The following RAB3C variants were observed in gnomAD, a reference collection of about 807,000 sequenced individuals.
The protein encoded by RAB3C is ras-related protein Rab-3C.
Under a neutral mutation model 26.4 loss-of-function variants are expected in RAB3C, and 17 were observed. That is an observed-to-expected ratio of 0.64 (90% CI 0.44 to 0.97). The LOEUF (loss-of-function observed/expected upper bound fraction) is 0.97. RAB3C is among the 50% of genes least tolerant of loss of function. RAB3C has a pLI of 0.00. For synonymous variants in RAB3C, 91 were observed against 95.9 expected (o/e 0.95, Z 0.30); for missense variants, 242 against 281.9 (o/e 0.86, Z 1.01).
At chr5:58,836,679 C>T (rs547293724) in intron 4 of RAB3C, among the ~76,000 whole-genome samples, 1 of 149,748 alleles carries the variant, frequency 6.7e-6, no homozygotes, top group South Asian at 2.1e-4. Context: ...TATAACGTCC[C>T]TCCAGTTCTA....
At chr5:58,809,309 G>C (rs1384383075) in intron 3 of RAB3C, among the ~76,000 whole-genome samples, 1 of 150,404 alleles carries the variant, frequency 6.6e-6, no homozygotes, top group Non-Finnish European at 1.5e-5. Context: ...TGAAGAATTT[G>C]TGCCAGAAGC....
chr5:58,748,336 C>CGAAA (rs1741444300), intron 3 of RAB3C, among the ~76,000 whole-genome samples: 2 of 152,124 alleles, frequency 1.3e-5, no homozygotes, highest in African/African-American at 4.8e-5. Flanking sequence ...TTGTGTCTTT[C>CGAAA]TTTCCACTAG....
At chr5:58,650,887 A>G (rs1168430023) in intron 2 of RAB3C, among the ~76,000 whole-genome samples, 1 of 152,220 alleles carries the variant, frequency 6.6e-6, no homozygotes, top group Non-Finnish European at 1.5e-5. Flanking sequence ...TCTCAAGGGC[A>G]AAGAAAAGGG....
rs190281894 is a variant in RAB3C at position 58,696,468 on chromosome 5, C to G, written c.253-29534C>G. ...GAGTTAGGGAGGATTCCCTCTTTTT[C>G]TATTGATTGGAAGTTTCAGAAGGAA... On this transcript the variant is annotated intron_variant, in intron 2 of 4. Transcript: ENST00000282878. 7.9e-5 allele frequency among the ~76,000 whole-genome samples: 12 copies of G among 152,194 alleles called. No homozygotes were observed. The East Asian group carries it at 2.3e-3, about 29-fold the overall frequency.
chr5:58,618,002 G>T, intron 2 of RAB3C, 132 bp downstream of exon 2: 1 of 624,090 alleles, frequency 1.6e-6, no homozygotes, highest in East Asian at 2.7e-5. Flanking sequence ...CTTTGCTGCA[G>T]AACATTCTGT....
At chr5:58,630,036 T>C (rs1310298143) in intron 2 of RAB3C, among the ~76,000 whole-genome samples, 1 of 152,236 alleles carries the variant, frequency 6.6e-6, no homozygotes, top group Non-Finnish European at 1.5e-5. Flanking sequence ...GTGTTGTCTA[T>C]TTGTACGTTG....
At chr5:58,826,386 T>C (rs1743478467) in intron 4 of RAB3C, among the ~76,000 whole-genome samples, 1 of 152,112 alleles carries the variant, frequency 6.6e-6, no homozygotes, top group Admixed American at 6.6e-5. Context: ...GGACAGTGAA[T>C]AGAAAAGTGA....
upstream of RAB3C, chr5:58,583,069 A>G: frequency 6.6e-7 from 1 of 1,510,910 alleles, no homozygotes; most frequent in Non-Finnish European, 8.8e-7. Context: ...AGGAGAGGAC[A>G]GCTCCAGTGC....
chr5:58,783,280 A>G (rs552068773), intron 3 of RAB3C, among the ~76,000 whole-genome samples: 9 of 152,322 alleles, frequency 5.9e-5, no homozygotes, highest in African/African-American at 2.2e-4. Flanking sequence ...ATATCTTTAC[A>G]TCAAGCTCAG....
chr5:58,711,612 A>G (rs1413057810), intron 2 of RAB3C, among the ~76,000 whole-genome samples: 1 of 152,194 alleles, frequency 6.6e-6, no homozygotes, highest in Non-Finnish European at 1.5e-5. Flanking sequence ...CCTAGTATGC[A>G]CAAGAAGCAT....
intron 3 of RAB3C, among the ~76,000 whole-genome samples, chr5:58,785,529 G>T (rs76099663): frequency 0.011 from 1,675 of 152,308 alleles, 28 homozygotes; most frequent in African/African-American, 0.038. Flanking sequence ...TAAGGATCTT[G>T]TTCAGTGAAG....
chr5:58,809,433 A>G (rs1743019780), intron 3 of RAB3C, among the ~76,000 whole-genome samples: 1 of 151,960 alleles, frequency 6.6e-6, no homozygotes, highest in Admixed American at 6.6e-5. Flanking sequence ...TGAAAAATGT[A>G]CAATATATGA....
At chr5:58,766,168 A>G (rs1741899079) in intron 3 of RAB3C, among the ~76,000 whole-genome samples, 1 of 145,784 alleles carries the variant, frequency 6.9e-6, no homozygotes, top group Admixed American at 7.0e-5. Flanking sequence ...CCCAGGCTGG[A>G]GTGCAGTGGC....
intron 1 of RAB3C, among the ~76,000 whole-genome samples, chr5:58,607,278 A>G (rs923943914): frequency 2.0e-5 from 3 of 152,230 alleles, no homozygotes; most frequent in Admixed American, 6.5e-5. Context: ...ACAAACTTCA[A>G]TAGCCAATTC....
intron 2 of RAB3C, among the ~76,000 whole-genome samples, chr5:58,685,554 A>G (rs1748428776): frequency 2.0e-5 from 3 of 152,212 alleles, no homozygotes; most frequent in Admixed American, 2.0e-4. Context: ...ACATATTCAT[A>G]GGTTCCAGGA....
chr5:58,842,592 G>A (rs1211972718), intron 4 of RAB3C, among the ~76,000 whole-genome samples: 1 of 152,112 alleles, frequency 6.6e-6, no homozygotes, highest in Non-Finnish European at 1.5e-5. Context: ...GCATGGCTTG[G>A]CTTTATTTGA....
intron 2 of RAB3C, among the ~76,000 whole-genome samples, chr5:58,628,224 A>G (rs76726867): frequency 0.019 from 2,859 of 152,024 alleles, 108 homozygotes; most frequent in East Asian, 0.14. Flanking sequence ...AACAACAGAA[A>G]AGTACAAAGG....
chr5:58,608,929 A>G (rs1746630663), intron 1 of RAB3C, among the ~76,000 whole-genome samples: 1 of 152,166 alleles, frequency 6.6e-6, no homozygotes, highest in Non-Finnish European at 1.5e-5. Flanking sequence ...TCAGCAAACT[A>G]TCACACAAGG....
intron 2 of RAB3C, among the ~76,000 whole-genome samples, chr5:58,669,071 C>T (rs559488276): frequency 6.6e-6 from 1 of 152,154 alleles, no homozygotes; most frequent in Admixed American, 6.5e-5. Context: ...GAGGGCTCCA[C>T]CCCCACAACC....
Sources: allele counts gnomAD v4.1 joint callset (sites outside exome capture counted in the v4.1 genomes callset), GRCh38; gene constraint gnomAD v4.1.1; transcripts MANE v1.5; gene names NCBI Gene and HGNC (gene_info 2026-07-23, HGNC 2026-07-21).